Variants in KCNMA1 observed in about 807,000 individuals in gnomAD.
KCNMA1 encodes the protein Calcium-activated potassium channel subunit alpha-1.
Under a neutral mutation model 140.0 loss-of-function variants are expected in KCNMA1, and 29 were observed. The observed-to-expected ratio is 0.21, with a 90% CI of 0.15 to 0.28. The LOEUF (loss-of-function observed/expected upper bound fraction) is 0.28. KCNMA1 is among the 10% of genes least tolerant of loss of function. The pLI, the probability that KCNMA1 is intolerant of heterozygous loss-of-function variation, is 1.00. For synonymous variants in KCNMA1, 612 were observed against 611.9 expected, an observed-to-expected ratio of 1.00 and a Z score of 0.00; for missense variants, 880 against 1,602.2, an observed-to-expected ratio of 0.55 and a Z score of 7.70.
intron 23 of KCNMA1, among the ~76,000 whole-genome samples, chr10:76,931,593 C>T (rs562484005): frequency 6.6e-6 from 1 of 152,016 alleles, no homozygotes; most frequent in Admixed American, 6.5e-5. Context: ...GGGTCCTGCT[C>T]TGGAAGGGTG....
intron 20 of KCNMA1, among the ~76,000 whole-genome samples, chr10:76,960,613 G>GTT (rs1565204789): frequency 8.4e-5 from 8 of 94,972 alleles, no homozygotes; most frequent in African/African-American, 2.0e-4. Flanking sequence ...AGATATTATG[G>GTT]TTTTGTTTTT....
chr10:77,537,025 C>A (rs1209324672), intron 1 of KCNMA1, among the ~76,000 whole-genome samples: 1 of 152,160 alleles, frequency 6.6e-6, no homozygotes, highest in East Asian at 1.9e-4. Flanking sequence ...AGTTCATTTC[C>A]TTCGTAGGTT....
Position 76,944,787 on chromosome 10 carries a change from T to C in KCNMA1, c.2888A>G (p.Gln963Arg). 10 of 1,614,146 alleles carry C rather than the reference T, an allele frequency of 6.2e-6. No individual in the cohort carries two copies. Among genetic ancestry groups the C allele is most frequent in the Non-Finnish European group, 8.5e-6 (10 of 1,179,986 alleles). ...MQFDDSIGVL[Q>R]ANSQGFTPPG... Reference sequence around the variant, plus strand: ...GCTGTCCTTACCTTGGGAATTAGCCTGCAAGACTCCGATGCTGTCATCAAA... The same window carrying C: ...GCTGTCCTTACCTTGGGAATTAGCCCGCAAGACTCCGATGCTGTCATCAAA... The change falls in exon 23 of 28, where the codon CAG becomes CGG. Residue 963 changes from glutamine (Q) to arginine (R), a missense_variant. Gln to Arg is a conservative substitution (Grantham distance 43). Transcript: ENST00000286628.
chr10:77,471,547 C>T (rs2098151897), intron 1 of KCNMA1, among the ~76,000 whole-genome samples: 2 of 150,978 alleles, frequency 1.3e-5, no homozygotes, highest in South Asian at 2.1e-4. Context: ...ACACTACACA[C>T]ACACCATACA....
At chr10:76,952,147 T>A (rs1328835854) in intron 21 of KCNMA1, 1 of 1,551,574 alleles carries the variant, frequency 6.4e-7, no homozygotes, top group Admixed American at 2.0e-5. Flanking sequence ...AGATACGGCA[T>A]CCAGCCTGTG....
chr10:77,403,118 T>C (rs1048864023), intron 2 of KCNMA1, among the ~76,000 whole-genome samples: 4 of 152,098 alleles, frequency 2.6e-5, no homozygotes, highest in African/African-American at 9.7e-5. Flanking sequence ...TATAAGCCTG[T>C]CCCAGTAATG....
intron 1 of KCNMA1, among the ~76,000 whole-genome samples, chr10:77,418,086 A>T (rs1366146006): frequency 1.3e-5 from 2 of 152,194 alleles, no homozygotes; most frequent in African/African-American, 2.4e-5. Context: ...TAGGTCTCCA[A>T]CACAGCAGCC....
At chr10:77,361,722 C>T (rs1242402849) in intron 2 of KCNMA1, among the ~76,000 whole-genome samples, 1 of 152,252 alleles carries the variant, frequency 6.6e-6, no homozygotes, top group Non-Finnish European at 1.5e-5. Flanking sequence ...GCACTGGCTC[C>T]AGTTGGGAGT....
At chr10:77,082,002 CTTTTCTT>C (rs2096584191) in intron 12 of KCNMA1, among the ~76,000 whole-genome samples, 6 of 51,650 alleles carry the variant, frequency 1.2e-4, no homozygotes, top group Admixed American at 2.4e-4. Flanking sequence ...TTCTTTTTTT[CTTTTCTT>C]TTTTTTTTTT....
intron 2 of KCNMA1, among the ~76,000 whole-genome samples, chr10:77,324,940 A>ACTCTCTCTCT (rs3068755): frequency 0.027 from 2,473 of 92,940 alleles, 20 homozygotes; most frequent in Non-Finnish European, 0.046. Context: ...ATAGCTCTAG[A>ACTCTCTCTCT]CTCTCTCTCT....
intron 1 of KCNMA1, among the ~76,000 whole-genome samples, chr10:77,626,074 T>C (rs1267992851): frequency 6.6e-6 from 1 of 152,156 alleles, no homozygotes; most frequent in Non-Finnish European, 1.5e-5. Context: ...GTGTCCTTTT[T>C]GTTTAATGCC....
At chr10:77,115,002 T>C (rs1236507228) in intron 6 of KCNMA1, among the ~76,000 whole-genome samples, 2 of 152,232 alleles carry the variant, frequency 1.3e-5, no homozygotes, top group Admixed American at 6.5e-5. Context: ...GCTAGCTTGT[T>C]TACAGTTCTT....
At chr10:77,632,013 G>T (rs2093273953) in intron 1 of KCNMA1, among the ~76,000 whole-genome samples, 1 of 152,206 alleles carries the variant, frequency 6.6e-6, no homozygotes. Flanking sequence ...GAGGCACAAA[G>T]GCATGACGTC....
chr10:77,505,053 C>T (rs1276510196), intron 1 of KCNMA1, among the ~76,000 whole-genome samples: 1 of 152,164 alleles, frequency 6.6e-6, no homozygotes, highest in Non-Finnish European at 1.5e-5. Flanking sequence ...ATTCAGGGCC[C>T]AGAGGAGCAC....
At chr10:77,221,560 G>A (rs1002111996) in intron 3 of KCNMA1, among the ~76,000 whole-genome samples, 4 of 152,120 alleles carry the variant, frequency 2.6e-5, no homozygotes, top group African/African-American at 9.7e-5. Flanking sequence ...CAACACAAAC[G>A]ATAAGTGCTC....
chr10:77,093,212 A>G (rs2096854933), intron 9 of KCNMA1, among the ~76,000 whole-genome samples: 1 of 152,178 alleles, frequency 6.6e-6, no homozygotes, highest in Admixed American at 6.5e-5. Flanking sequence ...AGCTGTCTTT[A>G]TCAAAAAAGG....
intron 1 of KCNMA1, among the ~76,000 whole-genome samples, chr10:77,522,107 G>A (rs752919370): frequency 6.6e-5 from 10 of 151,972 alleles, no homozygotes; most frequent in Admixed American, 2.0e-4. Context: ...CCCAGGAGGC[G>A]GAGGTTGCAG....
chr10:76,961,145 C>T (rs545984530), intron 20 of KCNMA1, among the ~76,000 whole-genome samples: 7 of 150,802 alleles, frequency 4.6e-5, no homozygotes, highest in South Asian at 2.1e-4. Flanking sequence ...GAAAAAGAAT[C>T]GCCATTCTAG....
intron 1 of KCNMA1, among the ~76,000 whole-genome samples, chr10:77,439,541 G>T (rs1603619909): frequency 6.6e-6 from 1 of 152,068 alleles, no homozygotes; most frequent in African/African-American, 2.4e-5. Context: ...TTCTCCCCTG[G>T]CTCAAAGCAG....
Sources: allele counts gnomAD v4.1 joint callset (sites outside exome capture counted in the v4.1 genomes callset), GRCh38; gene constraint gnomAD v4.1.1; transcripts MANE v1.5; gene names NCBI Gene and HGNC (gene_info 2026-07-23, HGNC 2026-07-21).